PACC1: variants seen among roughly 807,000 people sequenced by gnomAD.
PACC1 encodes proton-activated chloride channel.
In PACC1, 34 loss-of-function variants were observed where a neutral mutation model predicts 39.7. The observed-to-expected ratio is 0.86, with a 90% CI of 0.65 to 1.14. The LOEUF (loss-of-function observed/expected upper bound fraction) is 1.14. Ranked by LOEUF, PACC1 falls within the 50% of genes most tolerant of loss-of-function variation. PACC1 has a pLI of 0.00. For missense variants in PACC1, 379 were observed against 436.4 expected (o/e 0.87, Z 1.17); for synonymous variants, 127 against 160.6 (o/e 0.79, Z 1.58).
intron 2 of PACC1, among the ~76,000 whole-genome samples, chr1:212,398,682 G>T (rs1018561110): frequency 6.6e-6 from 1 of 152,152 alleles, no homozygotes; most frequent in Admixed American, 6.5e-5. Flanking sequence ...TTTTGTGTTT[G>T]ATTTCACTTT....
chr1:212,382,229 G>A (rs1166249542), intron 4 of PACC1, among the ~76,000 whole-genome samples: 1 of 152,010 alleles, frequency 6.6e-6, no homozygotes, highest in African/African-American at 2.4e-5. Context: ...ATTTTTAGTA[G>A]AGACGGGGTT....
Position 212,385,420 on chromosome 1 carries a change from C to T in PACC1, c.349G>A (p.Ala117Thr). ...EVDRYDAPGI[A>T]LYPGQAQLLS... ...AACTGGGCCTGACCGGGGTACAAGG[C>T]AATACCTGGGGGCACAAACAGGAAA... Residue 117 changes from alanine to threonine, a missense_variant, in exon 4 of 8, where the codon GCC (alanine) becomes ACC (threonine). Coordinates refer to ENST00000261455, the MANE Select transcript of PACC1 (RefSeq NM_018252.3). 1.2e-6 allele frequency: 2 copies of T among 1,614,016 alleles called. No individual in the cohort carries two copies. The highest frequency in any genetic ancestry group is 1.7e-6 in the Non-Finnish European group (2 of 1,179,964).
intron 2 of PACC1, among the ~76,000 whole-genome samples, chr1:212,400,793 G>A (rs1661683142): frequency 6.6e-6 from 1 of 152,138 alleles, no homozygotes; most frequent in South Asian, 2.1e-4. Context: ...GATGTTCCTG[G>A]GAAAGGTAGT....
chr1:212,379,099 A>G (rs1054807789), intron 5 of PACC1, among the ~76,000 whole-genome samples: 1 of 151,792 alleles, frequency 6.6e-6, no homozygotes, highest in African/African-American at 2.4e-5. Flanking sequence ...GCCCGCTACC[A>G]CGCCTGGCTA....
Position 212,414,724 on chromosome 1 carries a change from C to G in PACC1, c.34G>C (p.Glu12Gln). The G allele has an allele frequency of 1.9e-6, 3 of 1,613,642 alleles. No homozygotes were observed. The highest frequency in any genetic ancestry group is 2.2e-5 in the East Asian group (1 of 44,842). Residue 12 changes from glutamate to glutamine, a missense_variant and splice_region_variant, in exon 1 of 8, where the codon GAG (glutamate) becomes CAG (glutamine). Coordinates refer to ENST00000261455, the MANE Select transcript of PACC1 (RefSeq NM_018252.3). ...IRQERSTSYQ[E>Q]LSEELVQVVE... ...TTCCGTCTCTCACAACCTCGTACCT[C>G]CTGGTAGGATGTGGAGCGCTCCTGC...
At position 212,404,809 on chromosome 1, in the gene PACC1, C is replaced by T. The variant is rs181671551; in HGVS notation, c.133+5616G>A. ...TTTGAGATGGAATCTTGCTCTATCA[C>T]CCAGTCTGGAGTGCAGTGGCACAAT... On this transcript the variant is annotated intron_variant, in intron 2 of 7. Transcript: ENST00000261455. Among the ~76,000 whole-genome samples the T allele has an allele frequency of 2.3e-3, 349 of 151,992 alleles. 2 individuals carry two copies. The highest frequency in any genetic ancestry group is 0.017 in the Middle Eastern group (5 of 294).
intron 2 of PACC1, among the ~76,000 whole-genome samples, chr1:212,391,847 G>A (rs1264211520): frequency 6.6e-6 from 1 of 152,100 alleles, no homozygotes; most frequent in African/African-American, 2.4e-5. Flanking sequence ...TATCAGTGAT[G>A]GAAGATCAAA....
chr1:212,403,766 T>C (rs1020952609), intron 2 of PACC1, among the ~76,000 whole-genome samples: 1 of 152,090 alleles, frequency 6.6e-6, no homozygotes, highest in Non-Finnish European at 1.5e-5. Context: ...AGTTTTGCCA[T>C]ATTGCCCAGG....
At chr1:212,389,581 T>C (rs1043150935) in intron 2 of PACC1, among the ~76,000 whole-genome samples, 1 of 151,878 alleles carries the variant, frequency 6.6e-6, no homozygotes, top group Non-Finnish European at 1.5e-5. Flanking sequence ...AAAAAAGCAA[T>C]CTATAGAAAC....
At chr1:212,380,175 G>A in intron 4 of PACC1, 138 bp from the exon 5 acceptor site, 1 of 859,050 alleles carries the variant, frequency 1.2e-6, no homozygotes, top group Non-Finnish European at 1.8e-6. Context: ...CCAACAACAG[G>A]ACTGGGCTGG....
At chr1:212,405,041 G>A (rs1198010791) in intron 2 of PACC1, among the ~76,000 whole-genome samples, 2 of 152,138 alleles carry the variant, frequency 1.3e-5, no homozygotes, top group African/African-American at 2.4e-5. Context: ...CCAAAGTGCT[G>A]GGATGAGCCA....
chr1:212,369,782 GA>G (rs1197824626), intron 7 of PACC1, among the ~76,000 whole-genome samples: 282 of 73,896 alleles, frequency 3.8e-3, no homozygotes, highest in Middle Eastern at 0.02. Context: ...CTCCATCTCA[GA>G]AAAAAAAAAA....
At chr1:212,382,046 T>G (rs1322486984) in intron 4 of PACC1, among the ~76,000 whole-genome samples, 81 of 29,466 alleles carry the variant, frequency 2.7e-3, no homozygotes, top group African/African-American at 0.016. Flanking sequence ...GTGTTCTTGT[T>G]TTTTTTTTTT....
At position 212,367,045 on chromosome 1, in the gene PACC1, G is replaced by A. The variant is rs976416669; in HGVS notation, c.892-1669C>T. On this transcript the variant is annotated intron_variant, in intron 7 of 7. Coordinates refer to ENST00000261455, the MANE Select transcript of PACC1 (RefSeq NM_018252.3). Reference sequence around the variant, plus strand: ...CTCTGGTGGACGGTGTGTCTTAAATGTTCCTTTAGCAAAGCTGTCCAATTA... The same window carrying A: ...CTCTGGTGGACGGTGTGTCTTAAATATTCCTTTAGCAAAGCTGTCCAATTA... 6.6e-5 allele frequency among the ~76,000 whole-genome samples: 10 copies of A among 152,158 alleles called. No homozygotes were observed. The East Asian group carries it at 1.2e-3, about 18-fold the overall frequency.
chr1:212,391,178 G>C (rs1211585896), intron 2 of PACC1, among the ~76,000 whole-genome samples: 1 of 152,192 alleles, frequency 6.6e-6, no homozygotes, highest in Non-Finnish European at 1.5e-5. Context: ...TAGCCTATCT[G>C]GGAGGCACCC....
At chr1:212,371,947 T>C (rs1048806810) in intron 7 of PACC1, among the ~76,000 whole-genome samples, 1 of 152,094 alleles carries the variant, frequency 6.6e-6, no homozygotes, top group African/African-American at 2.4e-5. Flanking sequence ...TTTCAATAGA[T>C]GGTAAAAAAG....
At chr1:212,414,623 G>T in intron 1 of PACC1, 99 bp downstream of exon 1, 1 of 1,457,412 alleles carries the variant, frequency 6.9e-7, no homozygotes, top group Non-Finnish European at 9.5e-7. Flanking sequence ...AGAGCCCTCT[G>T]CCGCGCAGCC....
chr1:212,395,951 G>A lies in PACC1; in HGVS notation c.134-8851C>T, dbSNP rs375229082. Reference sequence around the variant, plus strand: ...TTCAGGAAACAACAGGTGCTGGAGAGGATGTGGAGAAATAGGAACACTTTT... The same window carrying A: ...TTCAGGAAACAACAGGTGCTGGAGAAGATGTGGAGAAATAGGAACACTTTT... On this transcript the variant is annotated intron_variant, in intron 2 of 7. Transcript: ENST00000261455. Among the ~76,000 whole-genome samples, 7 of 152,326 alleles carry A rather than the reference G, an allele frequency of 4.6e-5. No individual in the cohort carries two copies. The South Asian group carries it at 8.3e-4, about 18-fold the overall frequency.
chr1:212,380,971 TATAA>T (rs761001909), intron 4 of PACC1, among the ~76,000 whole-genome samples: 1 of 152,254 alleles, frequency 6.6e-6, no homozygotes, highest in Non-Finnish European at 1.5e-5. Context: ...CATCAACTTT[TATAA>T]ATAAATGCTC....
Sources: gnomAD v4.1 joint callset for allele counts (sites outside exome capture counted in the v4.1 genomes callset) on GRCh38, gnomAD v4.1.1 for gene constraint, MANE v1.5 for transcripts, NCBI Gene and HGNC (gene_info 2026-07-23, HGNC 2026-07-21) for gene names.